FBRS: variants seen among roughly 807,000 people sequenced by gnomAD.
The protein encoded by FBRS is probable fibrosin-1.
FBRS carries 15 observed loss-of-function variants against 86.1 expected under a neutral mutation model. That is an observed-to-expected ratio of 0.17 (90% confidence interval 0.12 to 0.27). The LOEUF (loss-of-function observed/expected upper bound fraction) is 0.27. Ranked by LOEUF, FBRS falls within the 10% of genes least tolerant of loss-of-function variation. FBRS has a pLI of 1.00. For synonymous variants in FBRS, 666 were observed against 575.8 expected (o/e 1.16, Z -2.24); for missense variants, 1,367 against 1,301.6 (o/e 1.05, Z -0.77).
At chr16:30,661,420 C>T in intron 4 of FBRS, 87 bp downstream of exon 4, 1 of 1,547,786 alleles carries the variant, frequency 6.5e-7, no homozygotes, top group Non-Finnish European at 8.7e-7. Flanking sequence ...AGCAGACAGC[C>T]TTCCCTTGAG....
chr16:30,667,040 A>G (rs775886871), intron 13 of FBRS, 50 bp downstream of exon 13: 16 of 1,542,634 alleles, frequency 1.0e-5, no homozygotes, highest in Non-Finnish European at 1.4e-5. Context: ...TCAGGGGAGG[A>G]CTGAGCTCTG....
intron 11 of FBRS, 62 bp from the exon 12 acceptor site, chr16:30,666,450 C>T (rs1348670177): frequency 1.2e-5 from 20 of 1,604,376 alleles, no homozygotes; most frequent in African/African-American, 2.7e-5. Flanking sequence ...TGTGGAGATG[C>T]GAGGCGCCTG....
Position 30,662,811 on chromosome 16 carries a change from G to A in FBRS, c.1007G>A (p.Gly336Asp), listed in dbSNP as rs1596614820. 2.7e-6 allele frequency: 4 copies of A among 1,475,968 alleles called. No homozygotes were observed. The East Asian group carries it at 1.0e-4, about 37-fold the overall frequency. 91.4% of individuals were successfully genotyped at this position (1,475,968 alleles called of 1,614,324 possible). A position where few individuals can be genotyped will look rare whatever the true frequency, so the allele number is the denominator to read the frequency against. The change falls in exon 6 of 18, where the codon GGC becomes GAC. Residue 336 changes from glycine to aspartate, a missense_variant. Gly to Asp is a moderately conservative substitution (Grantham distance 94, BLOSUM62 -1). This residue lies in a region of FBRS where 702 missense variants were observed against 598.7 expected (regional missense o/e 1.17). Coordinates refer to ENST00000356166, the MANE Select transcript of FBRS (RefSeq NM_001105079.3). ...CTGCAGCTTCGGGTCTCACCCTTCG[G>A]CCTCCGCACTTCTCCATATGGCAGC... ...PQLQLRVSPF[G>D]LRTSPYGSSL...
chr16:30,667,119 C>A, intron 13 of FBRS, 129 bp downstream of exon 13: 1 of 1,047,432 alleles, frequency 9.5e-7, no homozygotes, highest in Non-Finnish European at 1.4e-6. Flanking sequence ...CCCATCACTG[C>A]TGAACAGTTC....
At position 30,667,340 on chromosome 16, in the gene FBRS, C is replaced by G; in HGVS notation, c.1896C>G (p.Asp632Glu). The stretch of plus-strand genomic sequence containing the variant: ...CACAGGGTGACTCCCACAAGCTTGA[C>G]TTTCGGAATGACCTCCTGCCCTGCC... Reference protein sequence around the residue: ...EKMKGDSHKLDFRNDLLPCLP... With the variant: ...EKMKGDSHKLEFRNDLLPCLP... Residue 632 changes from aspartate to glutamate, a missense_variant, in exon 14 of 18, where the codon GAC (aspartate) becomes GAG (glutamate). Around this residue, in one of 3 missense-constraint regions of FBRS, gnomAD observed 659 missense variants for 678.8 expected, o/e 0.97. Transcript: ENST00000356166. 6.4e-7 allele frequency: 1 copy of G among 1,553,754 alleles called. No individual in the cohort carries two copies. The highest frequency in any genetic ancestry group is 8.7e-7 in the Non-Finnish European group (1 of 1,148,156).
chr16:30,664,368 C>A lies in FBRS; in HGVS notation c.1209C>A (p.Ser403=). The change falls in exon 7 of 18, where the codon TCC becomes TCA. Residue 403 remains serine (S), a synonymous_variant. Coordinates refer to ENST00000356166, the MANE Select transcript of FBRS (RefSeq NM_001105079.3). ...PPTPSLPLPL[S]THSFPPPGLR... is the part of the protein sequence containing the mutation. ...CGCCCTCACTGCCCCTGCCTTTGTC[C>A]ACCCACAGCTTTCCCCCTCCCGGGC... The A allele has an allele frequency of 6.5e-7, 1 of 1,530,970 alleles. No homozygotes were observed. The highest frequency in any genetic ancestry group is 8.8e-7 in the Non-Finnish European group (1 of 1,134,230). 94.8% of individuals were successfully genotyped at this position (1,530,970 alleles called of 1,614,324 possible).
chr16:30,664,740 G>A lies in FBRS; in HGVS notation c.1383G>A (p.Leu461=). 1 of 1,548,356 alleles carries A rather than the reference G, an allele frequency of 6.5e-7. No individual in the cohort carries two copies. The highest frequency in any genetic ancestry group is 8.7e-7 in the Non-Finnish European group (1 of 1,145,086). The part of the protein sequence containing the change: ...LSEQDLIGQD[L]NSRYLNAQGG... ...AGCAGGACCTGATCGGCCAGGACCT[G>A]AACTCTCGCTACCTGAATGCCCAGG... The change falls in exon 8 of 18, where the codon CTG becomes CTA. Residue 461 remains leucine (L), a synonymous_variant. Transcript: ENST00000356166.
In FBRS at chr16:30,659,027, G is replaced by C. The variant is rs2052419833; in HGVS notation, c.-492G>C. 1 of 152,050 alleles carries C rather than the reference G, an allele frequency of 6.6e-6. No individual in the cohort carries two copies. The highest frequency in any genetic ancestry group is 1.5e-5 in the Non-Finnish European group (1 of 68,030). The allele number at this position is 152,050 out of a possible 1,614,324, so 9.4% of individuals were successfully genotyped here. A position where few individuals can be genotyped will look rare whatever the true frequency, so the allele number is the denominator to read the frequency against. On this transcript the variant is annotated 5_prime_UTR_variant, in exon 1 of 18. Transcript: ENST00000356166. ...GACGGCCTGCTGTTAGAAGGACCCT[G>C]GACTCCTTAAAGGGGTGGCCTCTTT...
Position 30,665,235 on chromosome 16 carries a change from G to A in FBRS, c.1609-71G>A. 6.6e-7 allele frequency: 1 copy of A among 1,516,660 alleles called. No homozygotes were observed. Among genetic ancestry groups the A allele is most frequent in the Non-Finnish European group, 8.9e-7 (1 of 1,119,980 alleles). 94.0% of individuals were successfully genotyped at this position (1,516,660 alleles called of 1,614,324 possible). On this transcript the variant is annotated intron_variant, in intron 9 of 17. Coordinates refer to ENST00000356166, the MANE Select transcript of FBRS (RefSeq NM_001105079.3). The surrounding 1 kb of genome is among the most constrained non-coding windows in gnomAD (Gnocchi z 4.1). ...GGGGGGCTTTAGGGTGGAGGCCCGT[G>A]GACTGACGGGCAGGCTGGACTTGGG...
In FBRS at chr16:30,661,398, T is replaced by G. The variant is rs885107; in HGVS notation, c.705+65T>G. The G allele has an allele frequency of 7.7e-6, 12 of 1,550,048 alleles. No homozygotes were observed. The Admixed American group carries it at 2.4e-4, about 30-fold the overall frequency. On this transcript the variant is annotated intron_variant, in intron 4 of 17. Coordinates refer to ENST00000356166, the MANE Select transcript of FBRS (RefSeq NM_001105079.3). Reference sequence around the variant, plus strand: ...TGTAAAAGGGACTGCAGCATAAAGGTCTTCTGCGTGCAGCAGACAGCCTTC... The same window carrying G: ...TGTAAAAGGGACTGCAGCATAAAGGGCTTCTGCGTGCAGCAGACAGCCTTC...
rs935142072 is a variant in FBRS at position 30,665,168 on chromosome 16, T to G, written c.1608+89T>G. On this transcript the variant is annotated intron_variant, in intron 9 of 17. Transcript: ENST00000356166. The surrounding 1 kb of genome is among the most constrained non-coding windows in gnomAD (Gnocchi z 4.1). ...TGACCCTGACTGCTGGGGTCCAGTC[T>G]TCAGCACAAAAGCAAGAGCCTTGAG... 11 of 1,550,888 alleles carry G rather than the reference T, an allele frequency of 7.1e-6. No homozygotes were observed. Among genetic ancestry groups the G allele is most frequent in the Non-Finnish European group, 9.6e-6 (11 of 1,146,346 alleles).
At chr16:30,667,891 T>TG (rs558888862) in intron 15 of FBRS, 68 of 402,162 alleles carry the variant, frequency 1.7e-4, no homozygotes, top group African/African-American at 1.4e-3. Context: ...AAGGGGAAGG[T>TG]GGGGAGGCCA....
rs1199490241 is a variant in FBRS, at chr16:30,659,630, G to C, written c.112G>C (p.Gly38Arg). Residue 38 changes from glycine (G) to arginine (R), a missense_variant, in exon 1 of 18, where the codon GGT (glycine) becomes CGT (arginine). Around this residue, in one of 3 missense-constraint regions of FBRS, gnomAD observed 702 missense variants for 598.7 expected, o/e 1.17. Transcript: ENST00000356166. ...DRDREQRRRR[G>R]PGGDAPRALL... ...AGACCGGGAGCAGCGGCGCCGCCGA[G>C]GTCCAGGCGGCGACGCGCCCCGGGC... 2.2e-5 allele frequency: 9 copies of C among 413,280 alleles called. No homozygotes were observed. The highest frequency in any genetic ancestry group is 1.4e-4 in the Admixed American group (3 of 21,958). The allele number at this position is 413,280 out of a possible 1,614,324, so 25.6% of individuals were successfully genotyped here.
rs1287093285 is a variant in FBRS at position 30,669,619 on chromosome 16, C to T, written c.2917C>T (p.Pro973Ser). 3.1e-6 allele frequency: 5 copies of T among 1,603,962 alleles called. No homozygotes were observed. The African/African-American group carries it at 5.3e-5, about 17-fold the overall frequency. ...APRPSSPPRGPGPARADR is the reference protein window; with the variant it reads ...APRPSSPPRGSGPARADR Reference sequence around the variant, plus strand: ...CCGGCCCAGTTCCCCACCTAGGGGCCCTGGCCCAGCTCGGGCTGACAGGTG... The same window carrying T: ...CCGGCCCAGTTCCCCACCTAGGGGCTCTGGCCCAGCTCGGGCTGACAGGTG... Residue 973 changes from proline to serine, a missense_variant, in exon 18 of 18, where the codon CCT becomes TCT. This residue lies in a region of FBRS where 659 missense variants were observed against 678.8 expected (regional missense o/e 0.97). Coordinates refer to ENST00000356166, the MANE Select transcript of FBRS (RefSeq NM_001105079.3). The surrounding 1 kb of genome is among the most constrained non-coding windows in gnomAD (Gnocchi z 5.9).
At chr16:30,663,698 C>G (rs757334604) in intron 6 of FBRS, among the ~76,000 whole-genome samples, 1 of 152,198 alleles carries the variant, frequency 6.6e-6, no homozygotes, top group Non-Finnish European at 1.5e-5. Context: ...ACTATTGACA[C>G]TTACTATTGA....
chr16:30,666,043 G>A, intron 11 of FBRS: 1 of 403,374 alleles, frequency 2.5e-6, no homozygotes, highest in South Asian at 3.4e-5. Flanking sequence ...CCTTGGTGAA[G>A]TGAGGAGAGC....
At position 30,659,796 on chromosome 16, in the gene FBRS, C is replaced by T. The variant is rs1050799528; in HGVS notation, c.278C>T (p.Pro93Leu). Residue 93 changes from proline (P) to leucine (L), a missense_variant, in exon 1 of 18, where the codon CCC (proline) becomes CTC (leucine). By Grantham distance (98) the Pro-to-Leu change is moderately conservative. This residue lies in a region of FBRS where 702 missense variants were observed against 598.7 expected (regional missense o/e 1.17). Coordinates refer to ENST00000356166, the MANE Select transcript of FBRS (RefSeq NM_001105079.3). ...CGTCCGAGACCTCGACCCCCGCGAC[C>T]CCGAGCTCGGAAGCGGCCTGCCGGC... Reference protein sequence around the residue: ...RPRPRPRPPRPRARKRPAGSG... With the variant: ...RPRPRPRPPRLRARKRPAGSG... 2.0e-6 allele frequency: 3 copies of T among 1,504,116 alleles called. No individual in the cohort carries two copies. The highest frequency in any genetic ancestry group is 2.8e-5 in the African/African-American group (2 of 71,000). 93.2% of individuals were successfully genotyped at this position (1,504,116 alleles called of 1,614,324 possible). A position where few individuals can be genotyped will look rare whatever the true frequency, so the allele number is the denominator to read the frequency against.
chr16:30,670,056 G>A lies in FBRS; in HGVS notation c.*411G>A, dbSNP rs2052578114. ...CTCATGCCCTCCGAGGGCTGGGGGA[G>A]GAGGGGCTCAAGGAAGGGGGGTTCC... is the stretch of plus-strand genomic sequence containing the variant. On this transcript the variant is annotated 3_prime_UTR_variant, in exon 18 of 18. Coordinates refer to ENST00000356166, the MANE Select transcript of FBRS (RefSeq NM_001105079.3). 2.0e-6 allele frequency: 1 copy of A among 495,086 alleles called. No homozygotes were observed. The highest frequency in any genetic ancestry group is 3.5e-4 in the Middle Eastern group (1 of 2,890). 30.7% of individuals were successfully genotyped at this position (495,086 alleles called of 1,614,324 possible).
intron 15 of FBRS, chr16:30,668,357 C>T (rs1212247455): frequency 8.8e-6 from 5 of 568,576 alleles, no homozygotes; most frequent in Non-Finnish European, 1.6e-5. Flanking sequence ...TCCTAACCAC[C>T]TCTTGGGCTT....
Sources: gnomAD v4.1 joint callset for allele counts (sites outside exome capture counted in the v4.1 genomes callset) on GRCh38, gnomAD v4.1.1 for gene constraint, gnomAD v4.1.1 regional missense constraint, Gnocchi (gnomAD v3.1) non-coding constraint, MANE v1.5 for transcripts, NCBI Gene and HGNC (gene_info 2026-07-23, HGNC 2026-07-21) for gene names.